The following XIRP2 variants were observed in gnomAD, a reference collection of about 807,000 sequenced individuals.
XIRP2 encodes xin actin-binding repeat-containing protein 2.
Under a neutral mutation model 277.0 loss-of-function variants are expected in XIRP2, and 236 were observed. The ratio of observed to expected loss-of-function variants is 0.85; its 90% CI spans 0.77 to 0.95. XIRP2 has a LOEUF of 0.95. Among genes scored for constraint, XIRP2 ranks in the 40% least tolerant of loss-of-function variants. The pLI, the probability that XIRP2 is intolerant of heterozygous loss-of-function variation, is 0.00. For synonymous variants in XIRP2, 1,490 were observed against 1,416.5 expected (o/e 1.05, Z -1.17); for missense variants, 4,640 against 4,157.5 (o/e 1.12, Z -3.19).
At chr2:167,187,065 G>A (rs1471320586) in intron 3 of XIRP2, among the ~76,000 whole-genome samples, 3 of 152,128 alleles carry the variant, frequency 2.0e-5, no homozygotes, top group African/African-American at 7.2e-5. Context: ...ACAAATGCAA[G>A]TAATTCCGGA....
rs1695788054 is a variant in XIRP2, at chr2:167,259,613, T to G, written c.*1796T>G. The G allele has an allele frequency of 2.6e-6, 1 of 379,162 alleles. No homozygotes were observed. Among genetic ancestry groups the G allele is most frequent in the Admixed American group, 4.3e-5 (1 of 23,376 alleles). The allele number at this position is 379,162 out of a possible 1,614,324, so 23.5% of individuals were successfully genotyped here. On this transcript the variant is annotated 3_prime_UTR_variant, in exon 11 of 11. Transcript: ENST00000409195. ...ACTATGGATATGTTTTCCATTCAAA[T>G]GGCACTTTAGCATATTGTTCTGTTT...
intron 2 of XIRP2, among the ~76,000 whole-genome samples, chr2:166,985,717 C>T (rs1407035228): frequency 6.6e-6 from 1 of 152,096 alleles, no homozygotes; most frequent in African/African-American, 2.4e-5. Flanking sequence ...GCATGAGCCA[C>T]CGCGCCCGGC....
chr2:166,983,723 C>T (rs1558938080), intron 2 of XIRP2, among the ~76,000 whole-genome samples: 1 of 152,162 alleles, frequency 6.6e-6, no homozygotes, highest in East Asian at 1.9e-4. Context: ...TGGTAATTGT[C>T]CCAAGACAAA....
chr2:167,139,931 C>T (rs907109397), intron 3 of XIRP2, among the ~76,000 whole-genome samples: 2 of 152,124 alleles, frequency 1.3e-5, no homozygotes, highest in African/African-American at 2.4e-5. Flanking sequence ...AGCTGACATT[C>T]GTCCAATGAG....
At chr2:167,018,949 T>G (rs1248647314) in intron 2 of XIRP2, among the ~76,000 whole-genome samples, 1 of 152,036 alleles carries the variant, frequency 6.6e-6, no homozygotes, top group East Asian at 1.9e-4. Flanking sequence ...GGCAGGGATT[T>G]TTTTTTCTTT....
chr2:167,169,642 G>A (rs1005108216), intron 3 of XIRP2, among the ~76,000 whole-genome samples: 2 of 152,164 alleles, frequency 1.3e-5, no homozygotes, highest in African/African-American at 4.8e-5. Context: ...TTACATACTG[G>A]ACCAGAAACT....
Position 167,243,375 on chromosome 2 carries a change from G to A in XIRP2, c.1983G>A (p.Arg661=), listed in dbSNP as rs1271291086. The change falls in exon 9 of 11, where the codon AGG becomes AGA. Residue 661 remains arginine, a synonymous_variant. Coordinates refer to ENST00000409195, the MANE Select transcript of XIRP2 (RefSeq NM_152381.6). ...VCTARWMFET[R]PLDSMNKMHQ... Reference sequence around the variant, plus strand: ...CAGCTCGGTGGATGTTTGAAACAAGGCCATTGGACTCAATGAATAAAATGC... The same window carrying A: ...CAGCTCGGTGGATGTTTGAAACAAGACCATTGGACTCAATGAATAAAATGC... The A allele has an allele frequency of 1.2e-6, 2 of 1,613,952 alleles. No individual in the cohort carries two copies. The highest frequency in any genetic ancestry group is 1.7e-6 in the Non-Finnish European group (2 of 1,179,988).
rs1368683002 is a variant in XIRP2 at position 167,249,902 on chromosome 2, C to T, written c.8510C>T (p.Thr2837Ile). Residue 2837 changes from threonine (T) to isoleucine (I), a missense_variant, in exon 9 of 11, where the codon ACT (threonine) becomes ATT (isoleucine). Physicochemically the swap from Thr to Ile is moderately conservative, Grantham distance 89. Coordinates refer to ENST00000409195, the MANE Select transcript of XIRP2 (RefSeq NM_152381.6). ...GGTCGAAAAGAAGAGAGATTAATAA[C>T]TGAAAGAAAACACGAACATCTGAAG... ...MIGRKEERLI[T>I]ERKHEHLKNK... 1.9e-6 allele frequency: 3 copies of T among 1,613,342 alleles called. No individual in the cohort carries two copies. The African/African-American group carries it at 4.0e-5, about 22-fold the overall frequency.
chr2:167,201,208 A>G (rs867693169), intron 3 of XIRP2, among the ~76,000 whole-genome samples: 6 of 78,862 alleles, frequency 7.6e-5, no homozygotes, highest in African/African-American at 3.5e-4. Flanking sequence ...GAAAGAAAGA[A>G]AGAAAGAAAG....
At chr2:167,022,705 T>A (rs1321995812) in intron 2 of XIRP2, among the ~76,000 whole-genome samples, 6 of 151,586 alleles carry the variant, frequency 4.0e-5, no homozygotes, top group African/African-American at 1.2e-4. Flanking sequence ...TGGTGTTCGG[T>A]TTTTTGTCCT....
intron 3 of XIRP2, among the ~76,000 whole-genome samples, chr2:167,205,109 T>A (rs2105382634): frequency 6.6e-6 from 1 of 152,276 alleles, no homozygotes. Flanking sequence ...ATGTTCTATT[T>A]TCAGGATGCC....
intron 2 of XIRP2, among the ~76,000 whole-genome samples, chr2:167,070,383 T>C (rs563560128): frequency 6.6e-6 from 1 of 152,288 alleles, no homozygotes; most frequent in South Asian, 2.1e-4. Flanking sequence ...ATAAGTATTT[T>C]ATTAGTTAAG....
At chr2:167,120,061 C>T (rs568118215) in intron 2 of XIRP2, among the ~76,000 whole-genome samples, 1 of 152,002 alleles carries the variant, frequency 6.6e-6, no homozygotes, top group Admixed American at 6.6e-5. Flanking sequence ...CACTTTGCAC[C>T]AAGCCTTTAA....
intron 3 of XIRP2, chr2:167,187,291 C>A: frequency 2.0e-6 from 2 of 985,222 alleles, no homozygotes; most frequent in Non-Finnish European, 2.4e-6. Context: ...CTATACAGAG[C>A]TCAGTTCCTA....
In XIRP2 at chr2:167,133,615, C is replaced by A. The variant is rs541535635; in HGVS notation, c.409-2294C>A. 3.3e-5 allele frequency among the ~76,000 whole-genome samples: 5 copies of A among 152,222 alleles called. No individual in the cohort carries two copies. In the South Asian group the frequency reaches 1.0e-3, roughly 32 times the overall value. ...ATATCATCAGTCTGAGTCCATGGAC[C>A]ATGTTCAGTATTCCACCTTTTACCA... On this transcript the variant is annotated intron_variant, in intron 2 of 10. Coordinates refer to ENST00000409195, the MANE Select transcript of XIRP2 (RefSeq NM_152381.6).
At chr2:167,088,875 C>T (rs1303383076) in intron 2 of XIRP2, among the ~76,000 whole-genome samples, 1 of 152,178 alleles carries the variant, frequency 6.6e-6, no homozygotes, top group Non-Finnish European at 1.5e-5. Flanking sequence ...ATCACATTTT[C>T]ATAGCACTCT....
chr2:166,983,119 T>C (rs1249245609), intron 2 of XIRP2, among the ~76,000 whole-genome samples: 3 of 152,192 alleles, frequency 2.0e-5, no homozygotes, highest in Admixed American at 2.0e-4. Flanking sequence ...TTTGATTCAA[T>C]ATGAGCTACT....
At chr2:166,930,412 C>G (rs1685300963) in intron 2 of XIRP2, among the ~76,000 whole-genome samples, 1 of 152,048 alleles carries the variant, frequency 6.6e-6, no homozygotes, top group Admixed American at 6.6e-5. Context: ...TGATAGTATC[C>G]TATTATATCT....
At chr2:167,218,949 G>A (rs1031860348) in intron 5 of XIRP2, among the ~76,000 whole-genome samples, 6 of 152,064 alleles carry the variant, frequency 3.9e-5, no homozygotes, top group Admixed American at 1.3e-4. Flanking sequence ...AATGTTAATA[G>A]TAATTACACT....
Sources: allele counts gnomAD v4.1 joint callset (sites outside exome capture counted in the v4.1 genomes callset), GRCh38; gene constraint gnomAD v4.1.1; transcripts MANE v1.5; gene names NCBI Gene and HGNC (gene_info 2026-07-23, HGNC 2026-07-21).